The following NDST4 variants were observed in gnomAD, a reference collection of about 807,000 sequenced individuals.
NDST4 encodes the protein N-deacetylase and N-sulfotransferase 4.
Under a neutral mutation model 100.8 loss-of-function variants are expected in NDST4, and 63 were observed. The ratio of observed to expected loss-of-function variants is 0.62; its 90% CI spans 0.51 to 0.77. The LOEUF (loss-of-function observed/expected upper bound fraction) is 0.77, where lower values mean the gene tolerates loss of function less well. Ranked by LOEUF, NDST4 falls within the 30% of genes least tolerant of loss-of-function variation. The pLI, the probability that NDST4 is intolerant of heterozygous loss-of-function variation, is 0.00. For synonymous variants in NDST4, 377 were observed against 361.8 expected, an observed-to-expected ratio of 1.04 and a Z score of -0.48; for missense variants, 943 against 1,018.4, an observed-to-expected ratio of 0.93 and a Z score of 1.01.
chr4:115,108,563 T>C (rs1410966680), intron 1 of NDST4, among the ~76,000 whole-genome samples: 1 of 151,952 alleles, frequency 6.6e-6, no homozygotes, highest in Non-Finnish European at 1.5e-5. Flanking sequence ...TATTTATATT[T>C]ATTATTATCA....
chr4:115,092,389 A>C (rs1380965040), intron 1 of NDST4, among the ~76,000 whole-genome samples: 1 of 152,192 alleles, frequency 6.6e-6, no homozygotes, highest in Non-Finnish European at 1.5e-5. Context: ...ATGAGGGGGA[A>C]ACTCATATAA....
intron 2 of NDST4, among the ~76,000 whole-genome samples, chr4:115,034,212 C>T (rs945639559): frequency 6.6e-6 from 1 of 152,068 alleles, no homozygotes; most frequent in African/African-American, 2.4e-5. Context: ...ATTACATTCT[C>T]TGAAGGCACC....
chr4:115,070,646 C>T (rs1351901057), intron 2 of NDST4, among the ~76,000 whole-genome samples: 1 of 151,780 alleles, frequency 6.6e-6, no homozygotes, highest in African/African-American at 2.4e-5. Context: ...TTTTGATTGC[C>T]TTACAAAAGG....
intron 2 of NDST4, among the ~76,000 whole-genome samples, chr4:115,043,638 G>A (rs934332027): frequency 2.0e-5 from 3 of 151,946 alleles, no homozygotes; most frequent in Non-Finnish European, 4.4e-5. Context: ...TGATTCAGAG[G>A]GCACAATAAA....
At chr4:115,025,905 A>G (rs991182895) in intron 2 of NDST4, among the ~76,000 whole-genome samples, 1 of 152,026 alleles carries the variant, frequency 6.6e-6, no homozygotes, top group South Asian at 2.1e-4. Context: ...TCCTTAAGTA[A>G]TATCTGTGAT....
intron 6 of NDST4, among the ~76,000 whole-genome samples, chr4:114,906,083 G>A (rs1724942446): frequency 6.6e-6 from 1 of 151,724 alleles, no homozygotes; most frequent in South Asian, 2.1e-4. Context: ...ATGAACCTTG[G>A]GATCAATTTT....
intron 6 of NDST4, among the ~76,000 whole-genome samples, chr4:114,896,138 T>C (rs1045409741): frequency 4.6e-5 from 7 of 152,232 alleles, no homozygotes; most frequent in African/African-American, 1.7e-4. Flanking sequence ...GAGGCTTTGA[T>C]ACCATTTAGC....
At chr4:114,884,379 A>G (rs1291149988) in intron 6 of NDST4, among the ~76,000 whole-genome samples, 1 of 152,130 alleles carries the variant, frequency 6.6e-6, no homozygotes, top group Non-Finnish European at 1.5e-5. Flanking sequence ...AACATCTATA[A>G]TCTTCTTACA....
intron 1 of NDST4, among the ~76,000 whole-genome samples, chr4:115,102,053 T>C (rs1338124831): frequency 6.6e-6 from 1 of 152,168 alleles, no homozygotes; most frequent in East Asian, 1.9e-4. Flanking sequence ...CAATGGAGTA[T>C]TTATTTTCTG....
chr4:115,031,416 T>A (rs943562098), intron 2 of NDST4, among the ~76,000 whole-genome samples: 3 of 152,080 alleles, frequency 2.0e-5, no homozygotes, highest in Non-Finnish European at 4.4e-5. Context: ...GCTTGTGCCA[T>A]CCACTCTGAA....
chr4:115,083,735 CT>C (rs1415718390), intron 1 of NDST4, among the ~76,000 whole-genome samples: 1 of 151,958 alleles, frequency 6.6e-6, no homozygotes, highest in Non-Finnish European at 1.5e-5. Context: ...AGATCTGATG[CT>C]TTTATAAGGA....
intron 2 of NDST4, among the ~76,000 whole-genome samples, chr4:115,006,736 G>C (rs1727426375): frequency 6.6e-6 from 1 of 152,052 alleles, no homozygotes; most frequent in African/African-American, 2.4e-5. Context: ...GGATTCTGGA[G>C]TTGTCATGTG....
At chr4:114,850,905 C>T (rs868502785) in intron 8 of NDST4, among the ~76,000 whole-genome samples, 1 of 152,244 alleles carries the variant, frequency 6.6e-6, no homozygotes, top group Admixed American at 6.5e-5. Context: ...CTTTGAGTCC[C>T]TTAAGTCTAA....
At chr4:114,986,126 G>A (rs1206368034) in intron 2 of NDST4, among the ~76,000 whole-genome samples, 3 of 152,104 alleles carry the variant, frequency 2.0e-5, no homozygotes, top group Non-Finnish European at 2.9e-5. Context: ...TACTGGCAAA[G>A]AGAAGAAAAA....
At chr4:114,872,177 CATGATCTAAT>C (rs931812309) in intron 6 of NDST4, among the ~76,000 whole-genome samples, 1 of 151,916 alleles carries the variant, frequency 6.6e-6, no homozygotes, top group African/African-American at 2.4e-5. Flanking sequence ...CTTCTGTTCC[CATGATCTAAT>C]ATGTCACTGG....
At chr4:114,991,420 C>T (rs1727037281) in intron 2 of NDST4, among the ~76,000 whole-genome samples, 1 of 151,984 alleles carries the variant, frequency 6.6e-6, no homozygotes, top group African/African-American at 2.4e-5. Flanking sequence ...CCAAGAAAAA[C>T]TATTCTCAAA....
intron 2 of NDST4, among the ~76,000 whole-genome samples, chr4:115,011,560 T>C (rs1432428737): frequency 6.6e-6 from 1 of 151,944 alleles, no homozygotes; most frequent in Non-Finnish European, 1.5e-5. Context: ...ATTGTCAACT[T>C]AGACATCTTG....
intron 10 of NDST4, among the ~76,000 whole-genome samples, chr4:114,845,278 G>A (rs910349286): frequency 6.6e-5 from 10 of 152,140 alleles, no homozygotes; most frequent in South Asian, 2.1e-4. Context: ...GCTGCAGTGA[G>A]CTATGATCAC....
At chr4:114,872,901 T>C (rs1724179222) in intron 6 of NDST4, among the ~76,000 whole-genome samples, 1 of 152,000 alleles carries the variant, frequency 6.6e-6, no homozygotes, top group Non-Finnish European at 1.5e-5. Flanking sequence ...TACATTGAGT[T>C]TGACATCCGT....
Sources: gnomAD v4.1 joint callset for allele counts (sites outside exome capture counted in the v4.1 genomes callset) on GRCh38, gnomAD v4.1.1 for gene constraint, MANE v1.5 for transcripts, NCBI Gene and HGNC (gene_info 2026-07-23, HGNC 2026-07-21) for gene names.